The following ARFGEF2 variants were observed in gnomAD, a reference collection of about 807,000 sequenced individuals.
The protein encoded by ARFGEF2 is ARF guanine nucleotide exchange factor 2, also known as brefeldin A-inhibited guanine nucleotide-exchange protein 2.
Under a neutral mutation model 219.9 loss-of-function variants are expected in ARFGEF2, and 74 were observed. The observed-to-expected ratio is 0.34, with a 90% CI of 0.28 to 0.41. The LOEUF (loss-of-function observed/expected upper bound fraction) is 0.41, where lower values mean the gene tolerates loss of function less well. ARFGEF2 is among the 10% of genes least tolerant of loss of function. The pLI is 1.00. For synonymous variants in ARFGEF2, 733 were observed against 799.2 expected (o/e 0.92, Z 1.40); for missense variants, 1,743 against 2,218.3 (o/e 0.79, Z 4.30).
intron 16 of ARFGEF2, 58 bp from the exon 17 acceptor site, chr20:48,988,246 A>G (rs974974290): frequency 1.2e-5 from 15 of 1,281,648 alleles, no homozygotes; most frequent in Non-Finnish European, 1.6e-5. Context: ...CTCTGTTAGC[A>G]TTGTACCTTC....
intron 34 of ARFGEF2, 100 bp downstream of exon 34, chr20:49,019,098 C>A: frequency 1.0e-6 from 1 of 1,002,204 alleles, no homozygotes; most frequent in Non-Finnish European, 1.5e-6. Flanking sequence ...CTTCTTCTGC[C>A]CTGTGCCTCA....
chr20:49,025,668 G>T (rs189382719), intron 36 of ARFGEF2, among the ~76,000 whole-genome samples, 187 bp downstream of exon 36: 13 of 152,288 alleles, frequency 8.5e-5, no homozygotes, highest in African/African-American at 2.9e-4. Flanking sequence ...TTCTCAGTAC[G>T]TATTTGATAA....
At position 48,989,337 on chromosome 20, in the gene ARFGEF2, A is replaced by G. The variant is rs1284940857; in HGVS notation, c.2586A>G (p.Gln862=). 6.2e-7 allele frequency: 1 copy of G among 1,614,198 alleles called. No individual in the cohort carries two copies. Among genetic ancestry groups the G allele is most frequent in the Non-Finnish European group, 8.5e-7 (1 of 1,180,028 alleles). ...RRLLYNLEME[Q]MAKTAKALME... Reference sequence around the variant, plus strand: ...TGCTGTACAACTTAGAGATGGAGCAAATGGCTAAAACAGCCAAAGCTCTGA... The same window carrying G: ...TGCTGTACAACTTAGAGATGGAGCAGATGGCTAAAACAGCCAAAGCTCTGA... The change falls in exon 19 of 39, where the codon CAA becomes CAG. Residue 862 remains glutamine, a synonymous_variant. Coordinates refer to ENST00000371917, the MANE Select transcript of ARFGEF2 (RefSeq NM_006420.3).
At chr20:48,930,984 T>C (rs188122557) in intron 1 of ARFGEF2, among the ~76,000 whole-genome samples, 1 of 151,626 alleles carries the variant, frequency 6.6e-6, no homozygotes, top group East Asian at 1.9e-4. Context: ...AATTTGAGAG[T>C]GAGGTCAGTA....
Position 49,018,944 on chromosome 20 carries a change from C to G in ARFGEF2, c.4570C>G (p.Gln1524Glu). 1 of 1,614,070 alleles carries G rather than the reference C, an allele frequency of 6.2e-7. No individual in the cohort carries two copies. The highest frequency in any genetic ancestry group is 8.5e-7 in the Non-Finnish European group (1 of 1,179,962). ...SIDKNPSERG[Q>E]SQLSNPTDDS... ...AGATAAAAATCCCTCTGAGAGGGGA[C>G]AGAGCCAGCTCTCTAACCCAACAGA... Residue 1524 changes from glutamine to glutamate, a missense_variant, in exon 34 of 39, where the codon CAG becomes GAG. Transcript: ENST00000371917.
intron 25 of ARFGEF2, among the ~76,000 whole-genome samples, chr20:49,000,460 A>C (rs1350642579): frequency 6.6e-6 from 1 of 152,240 alleles, no homozygotes; most frequent in Admixed American, 6.5e-5. Context: ...TGAGAGGCAC[A>C]GGAGCCTGTG....
intron 6 of ARFGEF2, among the ~76,000 whole-genome samples, chr20:48,958,222 T>G (rs759498038): frequency 2.6e-5 from 4 of 152,136 alleles, no homozygotes; most frequent in Admixed American, 6.5e-5. Flanking sequence ...AGAGCTCACT[T>G]TTTTCAGGCA....
chr20:48,929,180 T>C (rs1224837466), intron 1 of ARFGEF2, among the ~76,000 whole-genome samples: 1 of 152,256 alleles, frequency 6.6e-6, no homozygotes. Flanking sequence ...TTGCATTTGC[T>C]GATTCATTTC....
chr20:49,011,511 A>G (rs2091498105), intron 27 of ARFGEF2, among the ~76,000 whole-genome samples: 1 of 152,232 alleles, frequency 6.6e-6, no homozygotes, highest in Non-Finnish European at 1.5e-5. Flanking sequence ...GCACTCGGGC[A>G]GTCGAGCCCA....
chr20:48,974,933 G>A (rs545821962), intron 13 of ARFGEF2, 59 bp downstream of exon 13: 11 of 1,372,012 alleles, frequency 8.0e-6, no homozygotes, highest in South Asian at 2.4e-5. Context: ...ACGACTGCTA[G>A]GAACAGTTGT....
Position 48,952,035 on chromosome 20 carries a change from T to C in ARFGEF2, c.423+566T>C, listed in dbSNP as rs1035945137. ...GGGAAACTGACCACATCGAAACGTA[T>C]ATTTTCTGATTAATCTGGGTGAGAT... is the stretch of plus-strand genomic sequence containing the variant. On this transcript the variant is annotated intron_variant, in intron 4 of 38. Coordinates refer to ENST00000371917, the MANE Select transcript of ARFGEF2 (RefSeq NM_006420.3). Among the ~76,000 whole-genome samples the C allele has an allele frequency of 2.6e-5, 4 of 152,260 alleles. No homozygotes were observed. In the East Asian group the frequency reaches 7.7e-4, roughly 29 times the overall value.
intron 35 of ARFGEF2, among the ~76,000 whole-genome samples, chr20:49,024,438 C>G (rs192289900): frequency 3.3e-4 from 50 of 152,198 alleles, no homozygotes; most frequent in African/African-American, 1.2e-3. Flanking sequence ...AAATCTCTAG[C>G]CCAGTCAAAG....
chr20:48,967,475 G>C (rs1269893837), intron 8 of ARFGEF2, among the ~76,000 whole-genome samples: 1 of 152,154 alleles, frequency 6.6e-6, no homozygotes, highest in Admixed American at 6.5e-5. Flanking sequence ...TCAAGAGTTG[G>C]AAGTTTTAGC....
At chr20:48,981,627 G>A (rs923508118) in intron 14 of ARFGEF2, among the ~76,000 whole-genome samples, 5 of 152,288 alleles carry the variant, frequency 3.3e-5, no homozygotes, top group South Asian at 2.1e-4. Flanking sequence ...CCAATCAAAC[G>A]TAGATTTGGT....
intron 2 of ARFGEF2, 56 bp from the exon 3 acceptor site, chr20:48,941,808 G>C (rs1245645786): frequency 6.2e-7 from 1 of 1,613,208 alleles, no homozygotes; most frequent in African/African-American, 1.3e-5. Flanking sequence ...TGGGAAGTTA[G>C]AGTAAGGTGT....
At chr20:48,925,170 G>A (rs1352415439) in intron 1 of ARFGEF2, among the ~76,000 whole-genome samples, 1 of 152,178 alleles carries the variant, frequency 6.6e-6, no homozygotes, top group Admixed American at 6.5e-5. Flanking sequence ...TAATCATGAT[G>A]GAGCAGATTT....
chr20:49,005,048 A>G (rs1481941984), intron 25 of ARFGEF2, 22 bp from the exon 26 acceptor site: 2 of 1,613,998 alleles, frequency 1.2e-6, no homozygotes, highest in African/African-American at 1.3e-5. Context: ...CCTGTTTCAC[A>G]TCAGTTCCTG....
At chr20:48,956,389 G>C (rs994046424) in intron 6 of ARFGEF2, among the ~76,000 whole-genome samples, 25 of 152,194 alleles carry the variant, frequency 1.6e-4, no homozygotes, top group African/African-American at 6.0e-4. Flanking sequence ...GACATCTGTG[G>C]TGGCTCACGC....
At chr20:48,979,936 G>A (rs545671787) in intron 14 of ARFGEF2, among the ~76,000 whole-genome samples, 2 of 145,600 alleles carry the variant, frequency 1.4e-5, no homozygotes, top group Admixed American at 1.5e-4. Context: ...ACAGCTCCTG[G>A]ATTCGTTGAT....
Sources: gnomAD v4.1 joint callset for allele counts (sites outside exome capture counted in the v4.1 genomes callset) on GRCh38, gnomAD v4.1.1 for gene constraint, MANE v1.5 for transcripts, NCBI Gene and HGNC (gene_info 2026-07-23, HGNC 2026-07-21) for gene names.